The following PLXNA4 variants were observed in gnomAD, a reference collection of about 807,000 sequenced individuals.
PLXNA4 encodes plexin-A4.
Under a neutral mutation model 191.8 loss-of-function variants are expected in PLXNA4, and 44 were observed. That is an observed-to-expected ratio of 0.23 (90% CI 0.18 to 0.29). The LOEUF (loss-of-function observed/expected upper bound fraction) is 0.29, where lower values mean the gene tolerates loss of function less well. Ranked by LOEUF, PLXNA4 falls within the 10% of genes least tolerant of loss-of-function variation. The pLI is 1.00. For synonymous variants in PLXNA4, 1,082 were observed against 1,009.5 expected, an observed-to-expected ratio of 1.07 and a Z score of -1.36; for missense variants, 1,800 against 2,488.8, an observed-to-expected ratio of 0.72 and a Z score of 5.89.
At chr7:132,566,302 T>TCACACACACACA (rs113920133) in intron 1 of PLXNA4, among the ~76,000 whole-genome samples, 8 of 152,004 alleles carry the variant, frequency 5.3e-5, no homozygotes, top group African/African-American at 1.2e-4. Context: ...TCCCTCTCTC[T>TCACACACACACA]CTCACACACA....
At chr7:132,154,473 A>T (rs922926707) in intron 25 of PLXNA4, among the ~76,000 whole-genome samples, 2 of 151,852 alleles carry the variant, frequency 1.3e-5, no homozygotes, top group Non-Finnish European at 1.5e-5. Context: ...TTAAAAGAAG[A>T]AGTTCCTGAA....
intron 3 of PLXNA4, among the ~76,000 whole-genome samples, chr7:132,373,699 C>G (rs1804540219): frequency 6.6e-6 from 1 of 152,108 alleles, no homozygotes; most frequent in Non-Finnish European, 1.5e-5. Flanking sequence ...TAATTTTTGG[C>G]TTTTTAGCAG....
At chr7:132,516,698 C>T (rs984124608) in intron 1 of PLXNA4, among the ~76,000 whole-genome samples, 4 of 152,162 alleles carry the variant, frequency 2.6e-5, no homozygotes, top group African/African-American at 9.7e-5. Context: ...TGACTCATGC[C>T]TGTAATCCTA....
chr7:132,406,216 C>T (rs999118819), intron 3 of PLXNA4, among the ~76,000 whole-genome samples: 1 of 152,218 alleles, frequency 6.6e-6, no homozygotes, highest in East Asian at 1.9e-4. Flanking sequence ...TCAGCCCAGA[C>T]AGAAGTTGGC....
chr7:132,630,871 G>A (rs1803479599), intron 2 of PLXNA4, among the ~76,000 whole-genome samples: 1 of 152,194 alleles, frequency 6.6e-6, no homozygotes, highest in Admixed American at 6.5e-5. Context: ...AATAAATTAA[G>A]TGTTTGATCT....
intron 3 of PLXNA4, among the ~76,000 whole-genome samples, chr7:132,482,581 G>A (rs1341261035): frequency 6.6e-6 from 1 of 152,132 alleles, no homozygotes; most frequent in African/African-American, 2.4e-5. Flanking sequence ...ATGATAATAA[G>A]TGTTGTTCAA....
intron 3 of PLXNA4, among the ~76,000 whole-genome samples, chr7:132,468,378 A>G (rs1206132153): frequency 6.6e-6 from 1 of 152,186 alleles, no homozygotes; most frequent in Non-Finnish European, 1.5e-5. Context: ...TGCCGTATGT[A>G]TTCTATATCA....
chr7:132,465,578 T>C (rs1438211987), intron 3 of PLXNA4, among the ~76,000 whole-genome samples: 1 of 152,092 alleles, frequency 6.6e-6, no homozygotes, highest in Non-Finnish European at 1.5e-5. Context: ...AGTAACACCA[T>C]CCAAAATCTC....
At chr7:132,286,691 A>C (rs1800694404) in intron 4 of PLXNA4, among the ~76,000 whole-genome samples, 1 of 152,164 alleles carries the variant, frequency 6.6e-6, no homozygotes, top group South Asian at 2.1e-4. Context: ...AGGGACCAAA[A>C]GTTTCTTCAG....
At chr7:132,163,321 G>A (rs1011189138) in intron 24 of PLXNA4, among the ~76,000 whole-genome samples, 2 of 152,224 alleles carry the variant, frequency 1.3e-5, no homozygotes, top group South Asian at 4.1e-4. Flanking sequence ...TGAGTATGAC[G>A]CGGGCTTCAC....
chr7:132,287,282 C>A (rs979731588), intron 4 of PLXNA4, among the ~76,000 whole-genome samples: 5 of 152,110 alleles, frequency 3.3e-5, no homozygotes. Flanking sequence ...GCAATCTGCC[C>A]GCCTTGGTCT....
chr7:132,191,475 C>A (rs7779444), intron 14 of PLXNA4, among the ~76,000 whole-genome samples: 36,505 of 151,956 alleles, frequency 0.24, 4,947 homozygotes, highest in African/African-American at 0.36. Context: ...TTGATTGAGC[C>A]GCTGGAGTGA....
At chr7:132,520,407 C>T (rs565227948) in intron 1 of PLXNA4, among the ~76,000 whole-genome samples, 2 of 152,220 alleles carry the variant, frequency 1.3e-5, no homozygotes, top group Non-Finnish European at 2.9e-5. Context: ...CTTCTTCCGG[C>T]CTCTGAGGAC....
chr7:132,439,991 T>A (rs368946276), intron 3 of PLXNA4, among the ~76,000 whole-genome samples: 4,365 of 28,632 alleles, frequency 0.15, 247 homozygotes, highest in East Asian at 0.54. Flanking sequence ...CATGTGCATG[T>A]GTGAGTGTGT....
chr7:132,417,592 A>G (rs922032070), intron 3 of PLXNA4, among the ~76,000 whole-genome samples: 4 of 152,290 alleles, frequency 2.6e-5, no homozygotes, highest in Non-Finnish European at 5.9e-5. Context: ...TGCCTTGCAC[A>G]AAATAAATAA....
chr7:132,208,275 C>T (rs1336517138), intron 10 of PLXNA4, among the ~76,000 whole-genome samples: 3 of 152,242 alleles, frequency 2.0e-5, no homozygotes, highest in Non-Finnish European at 2.9e-5. Context: ...CAAAGGGCTG[C>T]ATTCTACTGT....
At chr7:132,203,049 T>TCACTCAG (rs1011473732) in intron 11 of PLXNA4, among the ~76,000 whole-genome samples, 1 of 152,142 alleles carries the variant, frequency 6.6e-6, no homozygotes, top group Non-Finnish European at 1.5e-5. Flanking sequence ...GGTTCTCCGT[T>TCACTCAG]CACTCAGCAC....
intron 2 of PLXNA4, among the ~76,000 whole-genome samples, chr7:132,587,615 A>G (rs1585388222): frequency 6.6e-6 from 1 of 152,186 alleles, no homozygotes; most frequent in East Asian, 1.9e-4. Context: ...TATTAGGTGG[A>G]ACCGGAATGC....
At chr7:132,471,702 C>T (rs1285802366) in intron 3 of PLXNA4, among the ~76,000 whole-genome samples, 1 of 152,156 alleles carries the variant, frequency 6.6e-6, no homozygotes, top group African/African-American at 2.4e-5. Context: ...GAAGGATAGA[C>T]CACAGATGCC....
Sources: allele counts gnomAD v4.1 joint callset (sites outside exome capture counted in the v4.1 genomes callset), GRCh38; gene constraint gnomAD v4.1.1; transcripts MANE v1.5; gene names NCBI Gene and HGNC (gene_info 2026-07-23, HGNC 2026-07-21).